Variants in ASTN2 observed in about 807,000 individuals in gnomAD.
ASTN2 encodes the protein astrotactin-2.
ASTN2 carries 54 observed loss-of-function variants against 139.8 expected under a neutral mutation model. The observed-to-expected ratio is 0.39, with a 90% CI of 0.31 to 0.48. The LOEUF is 0.48. ASTN2 is among the 20% of genes least tolerant of loss of function. The pLI, the probability that ASTN2 is intolerant of heterozygous loss-of-function variation, is 0.95. For missense variants in ASTN2, 1,565 were observed against 1,725.1 expected, an observed-to-expected ratio of 0.91 and a Z score of 1.64; for synonymous variants, 756 against 719.5, an observed-to-expected ratio of 1.05 and a Z score of -0.81.
chr9:117,185,300 T>C (rs1281129454), intron 3 of ASTN2, among the ~76,000 whole-genome samples: 1 of 152,224 alleles, frequency 6.6e-6, no homozygotes, highest in African/African-American at 2.4e-5. Flanking sequence ...CTTCCTGATT[T>C]ATTTCTTTGC....
chr9:116,427,886 T>A (rs1264207842), intron 22 of ASTN2, among the ~76,000 whole-genome samples: 1 of 152,260 alleles, frequency 6.6e-6, no homozygotes, highest in Admixed American at 6.5e-5. Flanking sequence ...CTCATTTGAG[T>A]TCTGGCTTCA....
chr9:116,695,847 C>G (rs185845262), intron 16 of ASTN2, among the ~76,000 whole-genome samples: 1 of 152,096 alleles, frequency 6.6e-6, no homozygotes, highest in Non-Finnish European at 1.5e-5. Flanking sequence ...TATTGGGTGA[C>G]GCAGAGGGTA....
chr9:116,975,254 T>C lies in ASTN2; in HGVS notation c.1843A>G (p.Ser615Gly), dbSNP rs1836312327. 1 of 1,613,548 alleles carries C rather than the reference T, an allele frequency of 6.2e-7. No individual in the cohort carries two copies. Among genetic ancestry groups the C allele is most frequent in the Non-Finnish European group, 8.5e-7 (1 of 1,179,720 alleles). Reference sequence around the variant, plus strand: ...GTGACGAGCACATCGGTCTTGCAGCTGGCCAGGGGGTTGATGGACAGCTCC... The same window carrying C: ...GTGACGAGCACATCGGTCTTGCAGCCGGCCAGGGGGTTGATGGACAGCTCC... Reference protein sequence around the residue: ...PVELSINPLASCKTDVLVTED... With the variant: ...PVELSINPLAGCKTDVLVTED... The change falls in exon 10 of 23, where the codon AGC (serine) becomes GGC (glycine). Residue 615 changes from serine (S) to glycine (G), a missense_variant. Physicochemically the swap from Ser to Gly is moderately conservative, Grantham distance 56 (BLOSUM62 0). Coordinates refer to ENST00000313400, the MANE Select transcript of ASTN2 (RefSeq NM_001365068.1).
chr9:116,979,799 G>C (rs1007124570), intron 7 of ASTN2, among the ~76,000 whole-genome samples: 55 of 152,098 alleles, frequency 3.6e-4, no homozygotes, highest in African/African-American at 1.3e-3. Flanking sequence ...CAAAGGCTGA[G>C]GTCCCTATCT....
intron 11 of ASTN2, among the ~76,000 whole-genome samples, chr9:116,825,465 G>A (rs1052661195): frequency 1.3e-5 from 2 of 152,196 alleles, no homozygotes; most frequent in Non-Finnish European, 2.9e-5. Flanking sequence ...GAATCACGAT[G>A]TCTGACTAGA....
rs536369439 is a variant in ASTN2 at position 116,450,303 on chromosome 9, T to A, written c.3498-7750A>T. Among the ~76,000 whole-genome samples the A allele has an allele frequency of 3.4e-5, 5 of 149,076 alleles. No individual in the cohort carries two copies. In the South Asian group the frequency reaches 8.7e-4, roughly 26 times the overall value. ...TCGTCAAGGCCTAAAATATTTACTA[T>A]CTGGACCTCCAGAGGAAAGCCTACT... On this transcript the variant is annotated intron_variant, in intron 20 of 22. Transcript: ENST00000313400.
chr9:117,081,769 C>CA (rs780690401), intron 5 of ASTN2, among the ~76,000 whole-genome samples: 8 of 152,134 alleles, frequency 5.3e-5, no homozygotes, highest in Non-Finnish European at 8.8e-5. Flanking sequence ...ACAGGGGAGA[C>CA]ATGTGGCAAG....
chr9:116,806,520 T>G (rs1319840201), intron 12 of ASTN2, among the ~76,000 whole-genome samples: 1 of 152,096 alleles, frequency 6.6e-6, no homozygotes, highest in Non-Finnish European at 1.5e-5. Context: ...CCCTGAAAAA[T>G]CATTCCAGAA....
At chr9:116,499,289 G>T (rs1016590587) in intron 19 of ASTN2, among the ~76,000 whole-genome samples, 1 of 152,178 alleles carries the variant, frequency 6.6e-6, no homozygotes, top group African/African-American at 2.4e-5. Flanking sequence ...GGGGGGCACA[G>T]TAGCTATTCA....
intron 2 of ASTN2, among the ~76,000 whole-genome samples, chr9:117,222,691 T>G (rs75689363): frequency 0.019 from 2,903 of 152,268 alleles, 37 homozygotes; most frequent in Middle Eastern, 0.055. Context: ...ATGCATCTAC[T>G]TTATGAACTC....
At chr9:116,882,625 A>G (rs1278143069) in intron 10 of ASTN2, among the ~76,000 whole-genome samples, 1 of 152,180 alleles carries the variant, frequency 6.6e-6, no homozygotes, top group Non-Finnish European at 1.5e-5. Flanking sequence ...AGTGTAAACT[A>G]TTCTCCAAAA....
At chr9:116,958,101 C>T (rs980161815) in intron 10 of ASTN2, among the ~76,000 whole-genome samples, 59 of 152,244 alleles carry the variant, frequency 3.9e-4, no homozygotes, top group African/African-American at 1.3e-3. Flanking sequence ...GTGGCATTGG[C>T]GAGGTTTCTC....
intron 6 of ASTN2, among the ~76,000 whole-genome samples, chr9:117,014,361 T>C (rs1323320252): frequency 2.6e-5 from 4 of 152,096 alleles, no homozygotes; most frequent in South Asian, 4.1e-4. Context: ...TTGAGGGTTT[T>C]TGAGTATGGG....
intron 10 of ASTN2, among the ~76,000 whole-genome samples, chr9:116,869,027 A>AG (rs1245626252): frequency 1.3e-5 from 2 of 152,124 alleles, no homozygotes; most frequent in Non-Finnish European, 2.9e-5. Context: ...TCTACTAAAA[A>AG]TACAATAATT....
At chr9:116,938,461 A>G (rs577443217) in intron 10 of ASTN2, among the ~76,000 whole-genome samples, 2 of 152,160 alleles carry the variant, frequency 1.3e-5, no homozygotes, top group South Asian at 4.1e-4. Context: ...CACAAGGAGC[A>G]CTGACATTAC....
rs1028902865 is a variant in ASTN2, at chr9:117,160,669, C to T, written c.1016-19191G>A. On this transcript the variant is annotated intron_variant, in intron 3 of 22. Transcript: ENST00000313400. ...TTCTATTTCATTAACTTTTATATTG[C>T]CCATACCTAAAACACTGACTAGAAT... Among the ~76,000 whole-genome samples, 113 of 151,838 alleles carry T rather than the reference C, an allele frequency of 7.4e-4. 1 individual carries two copies. The highest frequency in any genetic ancestry group is 1.1e-3 in the Non-Finnish European group (74 of 67,946).
chr9:117,015,464 T>C (rs1049126461), intron 6 of ASTN2, among the ~76,000 whole-genome samples: 22 of 152,152 alleles, frequency 1.4e-4, no homozygotes, highest in Admixed American at 1.3e-3. Context: ...ATAACAAATG[T>C]CATGAATAAG....
chr9:116,436,932 C>A (rs975450594), intron 22 of ASTN2, among the ~76,000 whole-genome samples: 1 of 151,790 alleles, frequency 6.6e-6, no homozygotes, highest in Non-Finnish European at 1.5e-5. Context: ...AATTGGAAAT[C>A]ATCATTCTCA....
chr9:116,516,056 G>A (rs1037652167), intron 19 of ASTN2, among the ~76,000 whole-genome samples: 5 of 152,156 alleles, frequency 3.3e-5, no homozygotes, highest in African/African-American at 7.2e-5. Context: ...TTAGACAACT[G>A]TATAATAATT....
Sources: allele counts gnomAD v4.1 joint callset (sites outside exome capture counted in the v4.1 genomes callset), GRCh38; gene constraint gnomAD v4.1.1; transcripts MANE v1.5; gene names NCBI Gene and HGNC (gene_info 2026-07-23, HGNC 2026-07-21).